LRP6: variants seen among roughly 807,000 people sequenced by gnomAD.
LRP6 encodes low-density lipoprotein receptor-related protein 6.
LRP6 carries 43 observed loss-of-function variants against 184.1 expected under a neutral mutation model. The observed-to-expected ratio is 0.23, with a 90% CI of 0.18 to 0.30. LRP6 has a LOEUF of 0.30. Ranked by LOEUF, LRP6 falls within the 10% of genes least tolerant of loss-of-function variation. The pLI, the probability that LRP6 is intolerant of heterozygous loss-of-function variation, is 1.00. For synonymous variants in LRP6, 719 were observed against 684.9 expected (o/e 1.05, Z -0.78); for missense variants, 1,571 against 2,005.3 (o/e 0.78, Z 4.14).
intron 4 of LRP6, chr12:12,186,710 G>C (rs1047965502): frequency 1.8e-6 from 1 of 570,630 alleles, no homozygotes; most frequent in Non-Finnish European, 3.2e-6. Context: ...CCAGGCTGGA[G>C]TGCAGTGGCG....
intron 1 of LRP6, among the ~76,000 whole-genome samples, chr12:12,260,641 A>T (rs1418506167): frequency 2.0e-5 from 3 of 152,164 alleles, no homozygotes; most frequent in Non-Finnish European, 4.4e-5. Context: ...CATTTATTCA[A>T]TGTCTACTAT....
intron 4 of LRP6, among the ~76,000 whole-genome samples, chr12:12,186,382 A>G (rs1223524540): frequency 6.6e-6 from 1 of 151,402 alleles, no homozygotes; most frequent in African/African-American, 2.4e-5. Flanking sequence ...ATACTTTTAC[A>G]TTTTCCCTTT....
chr12:12,165,488 A>T (rs2136953196), intron 7 of LRP6, among the ~76,000 whole-genome samples, 193 bp from the exon 8 acceptor site: 1 of 152,266 alleles, frequency 6.6e-6, no homozygotes, highest in South Asian at 2.1e-4. Flanking sequence ...CTATTTGACC[A>T]CTTTTCCCCC....
chr12:12,215,772 G>A (rs752358544), intron 2 of LRP6, among the ~76,000 whole-genome samples: 18 of 151,790 alleles, frequency 1.2e-4, no homozygotes, highest in Non-Finnish European at 2.1e-4. Flanking sequence ...AACACTTTGG[G>A]AAGCCAAGGT....
intron 2 of LRP6, among the ~76,000 whole-genome samples, chr12:12,233,194 G>A (rs1203538061): frequency 1.3e-5 from 2 of 152,072 alleles, no homozygotes; most frequent in Non-Finnish European, 2.9e-5. Flanking sequence ...TTGTCTGGGC[G>A]CGGTGGCTCA....
intron 3 of LRP6, 50 bp downstream of exon 3, chr12:12,203,153 A>G: frequency 1.5e-6 from 2 of 1,334,468 alleles, no homozygotes. Flanking sequence ...TAATGTATCA[A>G]GGCTTCATCG....
chr12:12,169,982 G>C (rs1185362598), intron 7 of LRP6, among the ~76,000 whole-genome samples: 1 of 152,002 alleles, frequency 6.6e-6, no homozygotes, highest in Non-Finnish European at 1.5e-5. Flanking sequence ...TATAACACAA[G>C]CCACCAATGT....
chr12:12,135,834 G>T (rs372381997), intron 16 of LRP6, among the ~76,000 whole-genome samples: 5 of 151,962 alleles, frequency 3.3e-5, no homozygotes, highest in Non-Finnish European at 7.4e-5. Context: ...TTAAGATAAT[G>T]GTAAAGCTCA....
intron 15 of LRP6, among the ~76,000 whole-genome samples, chr12:12,143,675 T>C (rs572666801): frequency 6.6e-6 from 1 of 152,206 alleles, no homozygotes; most frequent in South Asian, 2.1e-4. Flanking sequence ...AACAGTAATG[T>C]GGAAAAAAAT....
intron 7 of LRP6, among the ~76,000 whole-genome samples, chr12:12,175,677 C>T (rs1263130695): frequency 1.3e-5 from 2 of 149,514 alleles, no homozygotes; most frequent in East Asian, 2.0e-4. Flanking sequence ...GACGACAGAG[C>T]GAGACTCCGT....
chr12:12,187,863 A>G (rs1863515593), intron 3 of LRP6, among the ~76,000 whole-genome samples: 1 of 152,216 alleles, frequency 6.6e-6, no homozygotes, highest in Admixed American at 6.5e-5. Context: ...TAGACAGCCT[A>G]GTTAGTACTT....
At chr12:12,167,084 A>G (rs558230344) in intron 7 of LRP6, among the ~76,000 whole-genome samples, 15 of 152,302 alleles carry the variant, frequency 9.8e-5, no homozygotes, top group Admixed American at 9.8e-4. Context: ...AAGTAACTCC[A>G]GCCTAGGAAA....
chr12:12,238,799 T>A (rs1489020974), intron 2 of LRP6, among the ~76,000 whole-genome samples: 1 of 152,082 alleles, frequency 6.6e-6, no homozygotes, highest in Non-Finnish European at 1.5e-5. Flanking sequence ...ATGGATTAAC[T>A]GGGATGCAAA....
At chr12:12,145,002 T>C (rs182981652) in intron 15 of LRP6, among the ~76,000 whole-genome samples, 1 of 152,178 alleles carries the variant, frequency 6.6e-6, no homozygotes, top group African/African-American at 2.4e-5. Context: ...ACAGGGCACA[T>C]GTATACCTAT....
intron 16 of LRP6, among the ~76,000 whole-genome samples, chr12:12,135,976 G>C (rs1374156984): frequency 6.6e-6 from 1 of 152,020 alleles, no homozygotes; most frequent in African/African-American, 2.4e-5. Flanking sequence ...CCTGAACTCA[G>C]GAGTTCAAGA....
rs1475478291 is a variant in LRP6, at chr12:12,159,785, A to G, written c.2459T>C (p.Met820Thr). Reference sequence around the variant, plus strand: ...TAAAAAGTAGTAAAGCTTACCAAGCATATTTGAAGATTCTATTAAGTTGGT... The same window carrying G: ...TAAAAAGTAGTAAAGCTTACCAAGCGTATTTGAAGATTCTATTAAGTTGGT... ...LDTNLIESSN[M>T]LGLNREVIAD... is the part of the protein sequence containing the mutation. The change falls in exon 11 of 23, where the codon ATG becomes ACG. Residue 820 changes from methionine to threonine, a missense_variant. Met to Thr is a moderately conservative substitution (Grantham distance 81, BLOSUM62 -1). Transcript: ENST00000261349. 2 of 1,613,974 alleles carry G rather than the reference A, an allele frequency of 1.2e-6. No homozygotes were observed. The highest frequency in any genetic ancestry group is 1.3e-5 in the African/African-American group (1 of 74,942).
intron 15 of LRP6, among the ~76,000 whole-genome samples, chr12:12,145,692 C>T (rs1412323613): frequency 7.1e-6 from 1 of 140,584 alleles, no homozygotes. Context: ...AGTGCAGTGG[C>T]GCCGTCTTGA....
intron 7 of LRP6, among the ~76,000 whole-genome samples, chr12:12,170,858 TTTC>T (rs1465299268): frequency 2.6e-5 from 4 of 152,042 alleles, no homozygotes; most frequent in Admixed American, 2.0e-4. Flanking sequence ...AACTACTTTT[TTTC>T]TTCTTGTCAC....
At chr12:12,175,890 A>G (rs1863169904) in intron 7 of LRP6, among the ~76,000 whole-genome samples, 1 of 151,964 alleles carries the variant, frequency 6.6e-6, no homozygotes, top group South Asian at 2.1e-4. Flanking sequence ...AATTTAAGCT[A>G]ATAGTACATT....
Sources: gnomAD v4.1 joint callset for allele counts (sites outside exome capture counted in the v4.1 genomes callset) on GRCh38, gnomAD v4.1.1 for gene constraint, MANE v1.5 for transcripts, NCBI Gene and HGNC (gene_info 2026-07-23, HGNC 2026-07-21) for gene names.